The following KLHL1 variants were observed in gnomAD, a reference collection of about 807,000 sequenced individuals.
The protein encoded by KLHL1 is kelch-like protein 1.
Under a neutral mutation model 77.7 loss-of-function variants are expected in KLHL1, and 47 were observed. The ratio of observed to expected loss-of-function variants is 0.60; its 90% CI spans 0.48 to 0.77. The LOEUF (loss-of-function observed/expected upper bound fraction) is 0.77, where lower values mean the gene tolerates loss of function less well. Among genes scored for constraint, KLHL1 ranks in the 30% least tolerant of loss-of-function variants. The pLI is 0.00. For missense variants in KLHL1, 925 were observed against 910.8 expected, an observed-to-expected ratio of 1.02 and a Z score of -0.20; for synonymous variants, 360 against 325.2, an observed-to-expected ratio of 1.11 and a Z score of -1.15.
intron 5 of KLHL1, among the ~76,000 whole-genome samples, chr13:69,840,951 A>G (rs1027868082): frequency 6.6e-6 from 1 of 151,924 alleles, no homozygotes; most frequent in East Asian, 1.9e-4. Flanking sequence ...GAAGGAAAAT[A>G]ATTAACCTCT....
At position 70,075,691 on chromosome 13, in the gene KLHL1, G is replaced by GTGTATATATATATACACACACA. The variant is rs1566555065; in HGVS notation, c.497+31511_497+31512insTGTGTGTGTATATATATATACA. Among the ~76,000 whole-genome samples the GTGTATATATATATACACACACA allele has an allele frequency of 1.0e-4, 14 of 137,364 alleles. 1 individual carries two copies. Among genetic ancestry groups the GTGTATATATATATACACACACA allele is most frequent in the East Asian group, 8.5e-4 (4 of 4,724 alleles). 90.1% of individuals were successfully genotyped at this position (137,364 alleles called of 152,430 possible). On this transcript the variant is annotated intron_variant, in intron 1 of 10. Transcript: ENST00000377844. Reference sequence around the variant, plus strand: ...TGTGTGTATATATATATACACACACGTGTGTATATATGAAAATTAAACCTG... The same window carrying GTGTATATATATATACACACACA: ...TGTGTGTATATATATATACACACACGTGTATATATATATACACACACATGTGTATATATGAAAATTAAACCTG...
At chr13:69,967,463 G>GTCA (rs1884245998) in intron 2 of KLHL1, among the ~76,000 whole-genome samples, 1 of 152,214 alleles carries the variant, frequency 6.6e-6, no homozygotes, top group Admixed American at 6.5e-5. Flanking sequence ...TTGCCGCAAT[G>GTCA]TCATGATCAA....
chr13:70,068,672 C>T (rs898528385), intron 1 of KLHL1, among the ~76,000 whole-genome samples: 1 of 152,152 alleles, frequency 6.6e-6, no homozygotes, highest in African/African-American at 2.4e-5. Context: ...AAATCTAAAT[C>T]GCTTGTGGCT....
intron 3 of KLHL1, among the ~76,000 whole-genome samples, chr13:69,958,286 T>C (rs563042882): frequency 2.3e-4 from 35 of 151,882 alleles, no homozygotes; most frequent in Non-Finnish European, 4.7e-4. Flanking sequence ...TTTGCTTTAG[T>C]TCTTACTGAA....
At chr13:70,095,579 G>A (rs1417135887) in intron 1 of KLHL1, among the ~76,000 whole-genome samples, 1 of 152,084 alleles carries the variant, frequency 6.6e-6, no homozygotes, top group Admixed American at 6.6e-5. Context: ...ACATATTTAT[G>A]AGGTACATAT....
chr13:69,734,101 T>C (rs79590717), intron 8 of KLHL1, among the ~76,000 whole-genome samples: 9,977 of 152,070 alleles, frequency 0.066, 455 homozygotes, highest in Middle Eastern at 0.13. Flanking sequence ...AATTGGGTCA[T>C]GGGGGCAGAT....
intron 7 of KLHL1, among the ~76,000 whole-genome samples, chr13:69,762,906 A>T (rs984283651): frequency 6.6e-6 from 1 of 151,910 alleles, no homozygotes; most frequent in African/African-American, 2.4e-5. Flanking sequence ...TGAAGGGCCA[A>T]TGTAGATAAG....
intron 1 of KLHL1, among the ~76,000 whole-genome samples, chr13:69,985,633 G>A (rs1281602921): frequency 6.6e-6 from 1 of 151,244 alleles, no homozygotes; most frequent in Non-Finnish European, 1.5e-5. Context: ...CCACTACAGG[G>A]TATATGCCCA....
At chr13:69,709,090 T>A (rs1211806961) in intron 9 of KLHL1, among the ~76,000 whole-genome samples, 2 of 152,122 alleles carry the variant, frequency 1.3e-5, no homozygotes, top group East Asian at 3.9e-4. Context: ...AGATGATGTG[T>A]AAAATGAGGC....
At chr13:69,721,985 C>G (rs1012466153) in intron 8 of KLHL1, among the ~76,000 whole-genome samples, 1 of 152,072 alleles carries the variant, frequency 6.6e-6, no homozygotes, top group Non-Finnish European at 1.5e-5. Context: ...ACCTCACTTA[C>G]TTCTGTTTCA....
chr13:70,086,478 G>A (rs1593732704), intron 1 of KLHL1, among the ~76,000 whole-genome samples: 1 of 148,968 alleles, frequency 6.7e-6, no homozygotes, highest in East Asian at 2.1e-4. Context: ...CTACTTGGAA[G>A]GTTGAGGCAG....
At chr13:69,985,099 G>A (rs1156585977) in intron 1 of KLHL1, among the ~76,000 whole-genome samples, 2 of 151,878 alleles carry the variant, frequency 1.3e-5, no homozygotes, top group Admixed American at 6.6e-5. Context: ...ATGACAGAGC[G>A]AGACTCTGTC....
chr13:69,889,866 T>A (rs1409621462), intron 4 of KLHL1, among the ~76,000 whole-genome samples: 2 of 152,026 alleles, frequency 1.3e-5, no homozygotes, highest in African/African-American at 4.8e-5. Flanking sequence ...AACACATAAG[T>A]GTTAGCCATT....
intron 3 of KLHL1, among the ~76,000 whole-genome samples, chr13:69,948,237 G>A (rs1463596753): frequency 6.6e-6 from 1 of 152,062 alleles, no homozygotes; most frequent in African/African-American, 2.4e-5. Flanking sequence ...AGTTGCCATA[G>A]TTTCAGGTTT....
intron 1 of KLHL1, among the ~76,000 whole-genome samples, chr13:70,063,341 T>C (rs1431860878): frequency 1.3e-5 from 2 of 152,152 alleles, no homozygotes; most frequent in Admixed American, 6.6e-5. Flanking sequence ...ATTCATGAAG[T>C]ATAAATCTTA....
intron 3 of KLHL1, among the ~76,000 whole-genome samples, chr13:69,956,115 GAT>G (rs1240493357): frequency 9.0e-5 from 9 of 100,542 alleles, no homozygotes; most frequent in South Asian, 7.2e-4. Context: ...ATTTATATTT[GAT>G]ATATATATTT....
At position 69,961,303 on chromosome 13, in the gene KLHL1, C is replaced by T. The variant is rs1417022135; in HGVS notation, c.817+5G>A. 3 of 1,606,828 alleles carry T rather than the reference C, an allele frequency of 1.9e-6. No individual in the cohort carries two copies. The highest frequency in any genetic ancestry group is 2.6e-6 in the Non-Finnish European group (3 of 1,175,572). On this transcript the variant is annotated splice_donor_5th_base_variant and intron_variant, in intron 3 of 10. Transcript: ENST00000377844. ...CAGAATGATGTTATAATTATTTTGCCATACCTGTATATGCAAATTGGACAA... is the reference window on the plus strand; with the variant it reads ...CAGAATGATGTTATAATTATTTTGCTATACCTGTATATGCAAATTGGACAA...
In KLHL1 at chr13:69,786,862, AACAG is replaced by A. The variant is rs1303531488; in HGVS notation, c.1639+9872_1639+9875del. On this transcript the variant is annotated intron_variant, in intron 7 of 10. Coordinates refer to ENST00000377844, the MANE Select transcript of KLHL1 (RefSeq NM_020866.3). ...ATCACAAGCATTCTTATACACCAAT[AACAG>A]ACAAACAGAGCCGAATCATGAGGGA... is the stretch of plus-strand genomic sequence containing the variant. Among the ~76,000 whole-genome samples the A allele has an allele frequency of 4.7e-4, 71 of 152,336 alleles. No individual in the cohort carries two copies. In the East Asian group the frequency reaches 0.01, roughly 22 times the overall value.
At chr13:69,811,280 A>C (rs1373101741) in intron 6 of KLHL1, among the ~76,000 whole-genome samples, 1 of 152,128 alleles carries the variant, frequency 6.6e-6, no homozygotes, top group African/African-American at 2.4e-5. Context: ...AATTCATCAC[A>C]ATTAAGTAGG....
Sources: gnomAD v4.1 joint callset for allele counts (sites outside exome capture counted in the v4.1 genomes callset) on GRCh38, gnomAD v4.1.1 for gene constraint, MANE v1.5 for transcripts, NCBI Gene and HGNC (gene_info 2026-07-23, HGNC 2026-07-21) for gene names.